Variants in UPK1B observed in about 807,000 individuals in gnomAD.
UPK1B encodes uroplakin-1b.
Under a neutral mutation model 34.2 loss-of-function variants are expected in UPK1B, and 28 were observed. The ratio of observed to expected loss-of-function variants is 0.82; its 90% CI spans 0.61 to 1.12. The LOEUF is 1.12. Ranked by LOEUF, UPK1B falls within the 50% of genes most tolerant of loss-of-function variation. UPK1B has a pLI of 0.00. For missense variants in UPK1B, 325 were observed against 320.9 expected, an observed-to-expected ratio of 1.01 and a Z score of -0.10; for synonymous variants, 81 against 110.4, an observed-to-expected ratio of 0.73 and a Z score of 1.67.
intron 7 of UPK1B, among the ~76,000 whole-genome samples, chr3:119,200,018 A>C (rs1480298435): frequency 6.6e-6 from 1 of 152,168 alleles, no homozygotes; most frequent in Non-Finnish European, 1.5e-5. Flanking sequence ...CTTTTTTGCA[A>C]ATCTCTTCAA....
chr3:119,179,379 ATATATATATATATATATAT>A (rs1324073190), intron 1 of UPK1B, among the ~76,000 whole-genome samples: 5 of 85,102 alleles, frequency 5.9e-5, no homozygotes, highest in Non-Finnish European at 1.2e-4. Flanking sequence ...ATATATATAT[ATATATATATATATATATAT>A]TAATTCTAAG....
intron 6 of UPK1B, 97 bp from the exon 7 acceptor site, chr3:119,198,960 G>A (rs1038156569): frequency 3.7e-6 from 5 of 1,351,600 alleles, no homozygotes; most frequent in Middle Eastern, 1.8e-4. Context: ...TCAGAATTTT[G>A]AGTAGCATTG....
chr3:119,186,406 C>A (rs759469175), intron 1 of UPK1B, among the ~76,000 whole-genome samples: 14 of 152,236 alleles, frequency 9.2e-5, no homozygotes, highest in Non-Finnish European at 1.6e-4. Context: ...TACCCAATCA[C>A]CATCTCAGGT....
chr3:119,188,754 C>T (rs1186211346), intron 3 of UPK1B, among the ~76,000 whole-genome samples: 1 of 152,328 alleles, frequency 6.6e-6, no homozygotes, highest in East Asian at 1.9e-4. Flanking sequence ...AGCAGTTTCA[C>T]ACTATTATGG....
intron 3 of UPK1B, among the ~76,000 whole-genome samples, chr3:119,188,260 T>A (rs527244138): frequency 5.3e-5 from 8 of 152,274 alleles, no homozygotes; most frequent in African/African-American, 1.4e-4. Flanking sequence ...GGTGTCTGCA[T>A]ACACCCAGTA....
intron 3 of UPK1B, among the ~76,000 whole-genome samples, chr3:119,189,265 T>C (rs1394360097): frequency 6.6e-6 from 1 of 152,190 alleles, no homozygotes; most frequent in Admixed American, 6.5e-5. Flanking sequence ...CTCCTGCTGT[T>C]GACTGTAGCC....
At chr3:119,200,556 A>T (rs1184522104) in intron 7 of UPK1B, among the ~76,000 whole-genome samples, 2 of 152,220 alleles carry the variant, frequency 1.3e-5, no homozygotes, top group Admixed American at 6.5e-5. Context: ...AGATCTTCCA[A>T]ATGTTAACTG....
chr3:119,177,715 A>C (rs1442343186), intron 1 of UPK1B, among the ~76,000 whole-genome samples: 2 of 152,260 alleles, frequency 1.3e-5, no homozygotes, highest in African/African-American at 4.8e-5. Flanking sequence ...TTATTTGTTA[A>C]ATTGGCTTTT....
intron 7 of UPK1B, among the ~76,000 whole-genome samples, chr3:119,202,505 T>A (rs1459754124): frequency 6.6e-6 from 1 of 152,222 alleles, no homozygotes; most frequent in Non-Finnish European, 1.5e-5. Flanking sequence ...CTGTTATTAT[T>A]TCATTATCTC....
At chr3:119,179,382 T>TATATATATATATAG (rs1559900031) in intron 1 of UPK1B, among the ~76,000 whole-genome samples, 14 of 82,952 alleles carry the variant, frequency 1.7e-4, no homozygotes, top group African/African-American at 6.2e-4. Flanking sequence ...TATATATATA[T>TATATATATATATAG]ATATATATAT....
intron 1 of UPK1B, among the ~76,000 whole-genome samples, chr3:119,178,721 C>G (rs139653804): frequency 6.8e-4 from 103 of 152,180 alleles, no homozygotes; most frequent in African/African-American, 2.5e-3. Flanking sequence ...GTAATTTTTC[C>G]TCAAATTAGG....
At position 119,191,084 on chromosome 3, in the gene UPK1B, TG is replaced by T. The variant is rs1391694985; in HGVS notation, c.451del (p.Asp151ThrfsTer12). The stretch of plus-strand genomic sequence containing the variant: ...GAAAAACAATGGAGTCACCAAAACC[TG>T]GGACAGGCTCATGCTCCAGGTAAGA... ...QWKNNGVTKT[W>X]DRLMLQDNCC... On this transcript the variant is annotated frameshift_variant, in exon 5 of 8. Transcript: ENST00000264234. LOFTEE classifies it high-confidence loss of function. The T allele has an allele frequency of 6.2e-7, 1 of 1,613,880 alleles. No individual in the cohort carries two copies. Among genetic ancestry groups the T allele is most frequent in the South Asian group, 1.1e-5 (1 of 91,058 alleles).
intron 1 of UPK1B, among the ~76,000 whole-genome samples, chr3:119,180,458 C>T (rs2077984432): frequency 6.6e-6 from 1 of 152,148 alleles, no homozygotes; most frequent in South Asian, 2.1e-4. Context: ...AGTTGACATA[C>T]AAAATTAACC....
chr3:119,190,096 C>A, intron 3 of UPK1B, 149 bp from the exon 4 acceptor site: 1 of 571,992 alleles, frequency 1.7e-6, no homozygotes, highest in Non-Finnish European at 3.0e-6. Context: ...AGCCTCAATC[C>A]AAGCCACTGG....
At chr3:119,177,566 A>C (rs1260583505) in intron 1 of UPK1B, among the ~76,000 whole-genome samples, 1 of 152,256 alleles carries the variant, frequency 6.6e-6, no homozygotes, top group Non-Finnish European at 1.5e-5. Context: ...TAACTGTCCT[A>C]GGATGAATGA....
chr3:119,176,061 A>G lies in UPK1B; in HGVS notation c.-29+2423A>G, dbSNP rs535133905. 5.3e-5 allele frequency: 8 copies of G among 152,318 alleles called. No individual in the cohort carries two copies. In the East Asian group the frequency reaches 1.4e-3, roughly 26 times the overall value. The allele number at this position is 152,318 out of a possible 1,614,324, so 9.4% of individuals were successfully genotyped here. ...GTTGTGACCTACAATCTCCACACCC[A>G]TCTTTACTCTGAGCCAAGGAAGTGT... On this transcript the variant is annotated intron_variant, in intron 1 of 7. Transcript: ENST00000264234.
chr3:119,196,826 C>A (rs2078070052), intron 6 of UPK1B, among the ~76,000 whole-genome samples: 1 of 152,056 alleles, frequency 6.6e-6, no homozygotes, highest in Non-Finnish European at 1.5e-5. Flanking sequence ...GAGTGAGCCA[C>A]CGTGCCCAGC....
chr3:119,191,845 A>G (rs1029776649), intron 5 of UPK1B, among the ~76,000 whole-genome samples: 1 of 151,796 alleles, frequency 6.6e-6, no homozygotes. Context: ...CTTGATCTAC[A>G]TCACCCCTTA....
intron 2 of UPK1B, among the ~76,000 whole-genome samples, 160 bp from the exon 3 acceptor site, chr3:119,187,615 A>C (rs566450845): frequency 2.6e-5 from 4 of 152,334 alleles, no homozygotes; most frequent in African/African-American, 9.6e-5. Flanking sequence ...ACCAGTTAGT[A>C]GGATGGAAGT....
Sources: allele counts gnomAD v4.1 joint callset (sites outside exome capture counted in the v4.1 genomes callset), GRCh38; gene constraint gnomAD v4.1.1; transcripts MANE v1.5; gene names NCBI Gene and HGNC (gene_info 2026-07-23, HGNC 2026-07-21).